The following GCNT1 variants were observed in gnomAD, a reference collection of about 807,000 sequenced individuals.
The protein encoded by GCNT1 is glucosaminyl (N-acetyl) transferase 1.
Under a neutral mutation model 26.2 loss-of-function variants are expected in GCNT1, and 16 were observed. The observed-to-expected ratio is 0.61, with a 90% confidence interval of 0.41 to 0.93. The LOEUF (loss-of-function observed/expected upper bound fraction) is 0.93, where lower values mean the gene tolerates loss of function less well. Among genes scored for constraint, GCNT1 ranks in the 40% least tolerant of loss-of-function variants. The probability of loss-of-function intolerance (pLI) is 0.00; values close to 1 mark genes in which losing one functional copy is unlikely to be tolerated. For synonymous variants in GCNT1, 183 were observed against 190.8 expected, an observed-to-expected ratio of 0.96 and a Z score of 0.34; for missense variants, 477 against 526.7, an observed-to-expected ratio of 0.91 and a Z score of 0.92.
chr9:76,433,259 G>A (rs976179848), intron 1 of GCNT1, among the ~76,000 whole-genome samples: 8 of 152,170 alleles, frequency 5.3e-5, no homozygotes, highest in Admixed American at 1.3e-4. Flanking sequence ...GTTGCCCCAC[G>A]TAACGGAAAG....
chr9:76,428,860 C>T (rs1003919689), intron 1 of GCNT1, among the ~76,000 whole-genome samples: 1 of 151,976 alleles, frequency 6.6e-6, no homozygotes, highest in Non-Finnish European at 1.5e-5. Context: ...ACCACCACAC[C>T]CGGCTAATTT....
upstream of GCNT1, among the ~76,000 whole-genome samples, chr9:76,418,726 A>G (rs968532072): frequency 1.3e-5 from 2 of 152,228 alleles, no homozygotes; most frequent in South Asian, 4.1e-4. Context: ...GAGGGGCAGC[A>G]AATGATTTTT....
At chr9:76,468,642 A>T (rs1213126965) in intron 2 of GCNT1, among the ~76,000 whole-genome samples, 1 of 152,180 alleles carries the variant, frequency 6.6e-6, no homozygotes, top group Non-Finnish European at 1.5e-5. Context: ...CAGATACGTA[A>T]GAGTGGTTGA....
At chr9:76,501,919 A>G (rs1267098259) in intron 3 of GCNT1, 3 of 152,314 alleles carry the variant, frequency 2.0e-5, no homozygotes, top group African/African-American at 4.8e-5. Context: ...TTGCACCTCA[A>G]CATACCAAAG....
upstream of GCNT1, among the ~76,000 whole-genome samples, chr9:76,440,471 T>G (rs1162551116): frequency 2.6e-5 from 4 of 152,332 alleles, no homozygotes; most frequent in Admixed American, 6.5e-5. Flanking sequence ...TGGGTTACAG[T>G]GGTACCATGT....
intron 1 of GCNT1, among the ~76,000 whole-genome samples, chr9:76,445,291 C>T (rs941633402): frequency 6.6e-6 from 1 of 152,142 alleles, no homozygotes; most frequent in Admixed American, 6.5e-5. Context: ...GGAATATAGA[C>T]ACATGTATCT....
upstream of GCNT1, among the ~76,000 whole-genome samples, chr9:76,417,469 G>A (rs1431392319): frequency 6.6e-6 from 1 of 152,230 alleles, no homozygotes; most frequent in Non-Finnish European, 1.5e-5. Flanking sequence ...TCATTACTCA[G>A]TAAGGAGTAA....
intron 1 of GCNT1, among the ~76,000 whole-genome samples, chr9:76,420,956 A>G (rs1823182503): frequency 6.6e-6 from 1 of 151,608 alleles, no homozygotes; most frequent in African/African-American, 2.4e-5. Flanking sequence ...AAAAAAAAAA[A>G]AAAAAGAATC....
chr9:76,485,058 A>T (rs944332533), intron 2 of GCNT1, among the ~76,000 whole-genome samples: 2 of 152,210 alleles, frequency 1.3e-5, no homozygotes, highest in Admixed American at 1.3e-4. Flanking sequence ...AAGTGCTGGG[A>T]TTACTGGCGT....
intron 2 of GCNT1, among the ~76,000 whole-genome samples, chr9:76,480,374 T>C (rs1302510560): frequency 6.6e-6 from 1 of 152,178 alleles, no homozygotes; most frequent in Non-Finnish European, 1.5e-5. Context: ...TAAAGTAGTT[T>C]TTTCCAATTC....
upstream of GCNT1, among the ~76,000 whole-genome samples, chr9:76,441,227 C>A (rs1399017498): frequency 6.6e-6 from 1 of 152,070 alleles, no homozygotes; most frequent in Non-Finnish European, 1.5e-5. Flanking sequence ...CTCACTGCAA[C>A]ATCCGCCTCC....
chr9:76,398,427 G>A, the GCNT1 span, among the ~76,000 whole-genome samples: 21 of 152,314 alleles, frequency 1.4e-4, no homozygotes, highest in East Asian at 5.8e-4. Context: ...CCAAATGCTG[G>A]CAACCATGTA....
the GCNT1 span, chr9:76,399,278 C>G: frequency 2.8e-6 from 4 of 1,422,790 alleles, no homozygotes; most frequent in African/African-American, 2.8e-5. Flanking sequence ...CTATGACCAC[C>G]CGTGGGAGGT....
chr9:76,473,890 G>A (rs780515101), intron 2 of GCNT1, among the ~76,000 whole-genome samples: 6 of 152,156 alleles, frequency 3.9e-5, no homozygotes, highest in Non-Finnish European at 7.3e-5. Context: ...CTTGAGCCCA[G>A]GAGTTCAAGA....
At chr9:76,394,072 T>C in the GCNT1 span, 1 of 1,581,134 alleles carries the variant, frequency 6.3e-7, no homozygotes, top group Middle Eastern at 1.8e-4. Flanking sequence ...CGGGGGACTC[T>C]GGCCGCCCTG....
rs79601359 is a variant in GCNT1 at position 76,463,028 on chromosome 9, C to T, written c.-290+2851C>T. Among the ~76,000 whole-genome samples the T allele has an allele frequency of 2.8e-4, 42 of 152,270 alleles. No individual in the cohort carries two copies. The East Asian group carries it at 6.8e-3, about 24-fold the overall frequency. ...GAAGACTGCTGTGTATTTCTGTAAT[C>T]TGAAAAATCTCGACTTTCTCAAAGG... On this transcript the variant is annotated intron_variant, in intron 2 of 3. Coordinates refer to ENST00000376730, the MANE Select transcript of GCNT1 (RefSeq NM_001490.5).
intron 2 of GCNT1, among the ~76,000 whole-genome samples, chr9:76,489,817 A>G (rs1397658636): frequency 6.6e-6 from 1 of 152,166 alleles, no homozygotes; most frequent in Non-Finnish European, 1.5e-5. Flanking sequence ...TTCCTGCTGG[A>G]TAAGAGCTAA....
At chr9:76,473,846 T>C (rs1393213873) in intron 2 of GCNT1, among the ~76,000 whole-genome samples, 1 of 152,136 alleles carries the variant, frequency 6.6e-6, no homozygotes, top group Non-Finnish European at 1.5e-5. Flanking sequence ...CTCACACCTA[T>C]CATCCCAGCA....
chr9:76,452,254 C>T (rs1338521289), intron 1 of GCNT1, among the ~76,000 whole-genome samples: 1 of 152,112 alleles, frequency 6.6e-6, no homozygotes, highest in Non-Finnish European at 1.5e-5. Flanking sequence ...CAGGTGTGAA[C>T]CACTGCACCT....
Sources: gnomAD v4.1 joint callset for allele counts (sites outside exome capture counted in the v4.1 genomes callset) on GRCh38, gnomAD v4.1.1 for gene constraint, MANE v1.5 for transcripts, NCBI Gene and HGNC (gene_info 2026-07-23, HGNC 2026-07-21) for gene names.